SLC36A1: variants seen among roughly 807,000 people sequenced by gnomAD.
The protein encoded by SLC36A1 is solute carrier family 36 member 1, also known as proton-coupled amino acid transporter 1.
SLC36A1 carries 30 observed loss-of-function variants against 47.5 expected under a neutral mutation model. The ratio of observed to expected loss-of-function variants is 0.63; its 90% CI spans 0.47 to 0.86. The LOEUF (loss-of-function observed/expected upper bound fraction) is 0.86, where lower values mean the gene tolerates loss of function less well. Among genes scored for constraint, SLC36A1 ranks in the 40% least tolerant of loss-of-function variants. The pLI is 0.00. For missense variants in SLC36A1, 517 were observed against 606.0 expected (o/e 0.85, Z 1.54); for synonymous variants, 255 against 249.7 (o/e 1.02, Z -0.20).
chr5:151,408,170 T>G, the SLC36A1 span, among the ~76,000 whole-genome samples: 18 of 151,886 alleles, frequency 1.2e-4, no homozygotes, highest in Admixed American at 6.6e-5. Flanking sequence ...CAAGTCAGTG[T>G]TTTTTTTGTT....
chr5:151,385,704 T>TA, the SLC36A1 span, among the ~76,000 whole-genome samples: 14 of 150,722 alleles, frequency 9.3e-5, no homozygotes, highest in African/African-American at 1.5e-4. Flanking sequence ...AACACCCCAA[T>TA]AAAAAAAACA....
the SLC36A1 span, chr5:151,507,056 T>C: frequency 6.5e-6 from 7 of 1,072,364 alleles, no homozygotes; most frequent in Non-Finnish European, 9.5e-6. Context: ...GTTGGATGCG[T>C]GGTAGCTAAA....
the SLC36A1 span, among the ~76,000 whole-genome samples, chr5:151,384,403 G>T: frequency 2.0e-5 from 3 of 152,162 alleles, no homozygotes; most frequent in East Asian, 5.8e-4. Context: ...GAAATCTATG[G>T]GTTGTATATT....
intron 7 of SLC36A1, among the ~76,000 whole-genome samples, chr5:151,469,895 C>T (rs1757079159): frequency 6.6e-6 from 1 of 152,054 alleles, no homozygotes; most frequent in African/African-American, 2.4e-5. Flanking sequence ...GACCCAGTCA[C>T]CCACTGATAT....
the SLC36A1 span, among the ~76,000 whole-genome samples, chr5:151,350,548 A>G: frequency 1.3e-5 from 2 of 152,210 alleles, no homozygotes; most frequent in African/African-American, 2.4e-5. Context: ...TCATGCATCA[A>G]TCAAATTTCT....
intron 10 of SLC36A1, among the ~76,000 whole-genome samples, chr5:151,480,728 A>T (rs1357409591): frequency 6.6e-6 from 1 of 152,146 alleles, no homozygotes; most frequent in Non-Finnish European, 1.5e-5. Context: ...TTTGATTCCA[A>T]AGTGTATGTT....
the SLC36A1 span, among the ~76,000 whole-genome samples, chr5:151,402,697 C>T: frequency 6.6e-6 from 1 of 152,158 alleles, no homozygotes; most frequent in Non-Finnish European, 1.5e-5. Flanking sequence ...CATTATTGGT[C>T]TGTTCAGAGT....
At chr5:151,545,706 C>A in the SLC36A1 span, 1 of 1,614,088 alleles carries the variant, frequency 6.2e-7, no homozygotes, top group Non-Finnish European at 8.5e-7. Context: ...TCAAGGCCTC[C>A]GGCTCCAAAA....
chr5:151,393,835 A>G, the SLC36A1 span, among the ~76,000 whole-genome samples: 1 of 151,754 alleles, frequency 6.6e-6, no homozygotes, highest in Non-Finnish European at 1.5e-5. Context: ...TGCCCTTAAC[A>G]TTTTTTCCTT....
chr5:151,431,911 G>A, the SLC36A1 span, among the ~76,000 whole-genome samples: 2 of 152,150 alleles, frequency 1.3e-5, no homozygotes, highest in African/African-American at 4.8e-5. Context: ...CTCAGCTCTT[G>A]GGCCTTAATA....
the SLC36A1 span, among the ~76,000 whole-genome samples, chr5:151,501,205 C>G: frequency 6.6e-6 from 1 of 152,220 alleles, no homozygotes. Flanking sequence ...GGGCCCCTGA[C>G]AGTCATTTTT....
At chr5:151,460,528 G>A (rs1384370039) in intron 2 of SLC36A1, among the ~76,000 whole-genome samples, 1 of 152,070 alleles carries the variant, frequency 6.6e-6, no homozygotes, top group Non-Finnish European at 1.5e-5. Flanking sequence ...CCTTGATGTT[G>A]TGATACAGTG....
chr5:151,545,189 T>C, the SLC36A1 span: 1 of 1,614,154 alleles, frequency 6.2e-7, no homozygotes, highest in South Asian at 1.1e-5. Context: ...TCCTGCAAGT[T>C]CTCCTTCACA....
the SLC36A1 span, among the ~76,000 whole-genome samples, chr5:151,396,464 T>C: frequency 6.6e-6 from 1 of 152,214 alleles, no homozygotes; most frequent in Non-Finnish European, 1.5e-5. Flanking sequence ...GTTACCCCAT[T>C]ATATTTTTCT....
chr5:151,441,899 A>G (rs1242551809), intron 1 of SLC36A1, among the ~76,000 whole-genome samples: 1 of 152,050 alleles, frequency 6.6e-6, no homozygotes, highest in African/African-American at 2.4e-5. Context: ...CCCCTTGAAA[A>G]TTTCCTCATG....
chr5:151,470,099 C>T (rs1561763782), intron 7 of SLC36A1, among the ~76,000 whole-genome samples: 1 of 152,126 alleles, frequency 6.6e-6, no homozygotes, highest in Non-Finnish European at 1.5e-5. Flanking sequence ...CTTCACGTCC[C>T]CTTTTTATGA....
chr5:151,550,923 G>A, the SLC36A1 span: 1 of 1,568,900 alleles, frequency 6.4e-7, no homozygotes, highest in Non-Finnish European at 8.7e-7. Context: ...GGGGAACAGG[G>A]ACTGGGTCTG....
chr5:151,433,266 A>ATTTTTT (rs869250950), upstream of SLC36A1, among the ~76,000 whole-genome samples: 2 of 9,404 alleles, frequency 2.1e-4, 1 homozygote, highest in Non-Finnish European at 4.0e-4. Flanking sequence ...ATATATATAT[A>ATTTTTT]TTTTTTTTTT....
the SLC36A1 span, chr5:151,550,838 G>A: frequency 2.5e-6 from 4 of 1,613,402 alleles, no homozygotes; most frequent in African/African-American, 1.3e-5. Context: ...TGGGGCCGAT[G>A]GTGGTTAATG....
Sources: allele counts gnomAD v4.1 joint callset (sites outside exome capture counted in the v4.1 genomes callset), GRCh38; gene constraint gnomAD v4.1.1; transcripts MANE v1.5; gene names NCBI Gene and HGNC (gene_info 2026-07-23, HGNC 2026-07-21).